The following ITIH5 variants were observed in gnomAD, a reference collection of about 807,000 sequenced individuals.
ITIH5 encodes inter-alpha-trypsin inhibitor heavy chain 5.
ITIH5 carries 65 observed loss-of-function variants against 77.5 expected under a neutral mutation model. That is an observed-to-expected ratio of 0.84 (90% CI 0.69 to 1.03). The LOEUF (loss-of-function observed/expected upper bound fraction) is 1.03, where lower values mean the gene tolerates loss of function less well. ITIH5 is among the 50% of genes least tolerant of loss of function. The pLI is 0.00. For missense variants in ITIH5, 1,208 were observed against 1,213.1 expected, an observed-to-expected ratio of 1.00 and a Z score of 0.06; for synonymous variants, 525 against 494.3, an observed-to-expected ratio of 1.06 and a Z score of -0.82.
intron 12 of ITIH5, among the ~76,000 whole-genome samples, chr10:7,567,785 A>T (rs1832218240): frequency 6.6e-6 from 1 of 152,178 alleles, no homozygotes; most frequent in Non-Finnish European, 1.5e-5. Flanking sequence ...GAGGCAGGAG[A>T]ATCACTTAAA....
At chr10:7,598,594 A>G (rs1832954978) in intron 7 of ITIH5, among the ~76,000 whole-genome samples, 1 of 152,220 alleles carries the variant, frequency 6.6e-6, no homozygotes, top group Non-Finnish European at 1.5e-5. Context: ...TTTACTGCTT[A>G]AAGTCTCCTT....
intron 5 of ITIH5, among the ~76,000 whole-genome samples, chr10:7,625,487 C>G (rs79966137): frequency 6.6e-6 from 1 of 151,990 alleles, no homozygotes. Flanking sequence ...TCAGATGGGC[C>G]GGGCATGTGG....
chr10:7,595,344 A>G (rs1474899619), intron 7 of ITIH5, among the ~76,000 whole-genome samples: 2 of 69,864 alleles, frequency 2.9e-5, no homozygotes, highest in African/African-American at 6.5e-5. Context: ...CGGAAAGAAT[A>G]TATTTCTTAC....
chr10:7,636,333 TA>T (rs1205613936), intron 5 of ITIH5, among the ~76,000 whole-genome samples: 3 of 152,190 alleles, frequency 2.0e-5, no homozygotes, highest in African/African-American at 7.2e-5. Context: ...ACATCTATAC[TA>T]AGCATTTTTC....
chr10:7,640,715 TA>T, intron 4 of ITIH5, 38 bp downstream of exon 4: 1 of 1,394,862 alleles, frequency 7.2e-7, no homozygotes, highest in African/African-American at 1.4e-5. Flanking sequence ...GGCACTTTGC[TA>T]AAATGGGTTT....
At chr10:7,590,924 G>A (rs1190666986) in intron 7 of ITIH5, among the ~76,000 whole-genome samples, 1 of 152,182 alleles carries the variant, frequency 6.6e-6, no homozygotes, top group Non-Finnish European at 1.5e-5. Flanking sequence ...TTGAGACAGA[G>A]TCTTGCTCTG....
chr10:7,583,801 G>A (rs1302948146), intron 8 of ITIH5, among the ~76,000 whole-genome samples: 4 of 152,078 alleles, frequency 2.6e-5, no homozygotes, highest in Admixed American at 6.5e-5. Flanking sequence ...TAGCTTTCCC[G>A]ATGGCACACA....
intron 2 of ITIH5, among the ~76,000 whole-genome samples, chr10:7,642,306 T>G (rs144068895): frequency 0.011 from 1,686 of 152,252 alleles, 12 homozygotes; most frequent in Non-Finnish European, 0.017. Context: ...AAACAATTAA[T>G]AACACACAAG....
chr10:7,659,280 G>A (rs1834238554), intron 1 of ITIH5, among the ~76,000 whole-genome samples: 1 of 152,076 alleles, frequency 6.6e-6, no homozygotes, highest in South Asian at 2.1e-4. Context: ...TTGGGAGGCT[G>A]AGGCAGGAGA....
At chr10:7,575,118 A>C (rs1832383407) in intron 10 of ITIH5, among the ~76,000 whole-genome samples, 1 of 152,200 alleles carries the variant, frequency 6.6e-6, no homozygotes. Flanking sequence ...TCAGGGTCCG[A>C]ACTTTTCAAT....
chr10:7,651,609 A>AAAT (rs113525747), intron 2 of ITIH5, among the ~76,000 whole-genome samples: 6,491 of 151,412 alleles, frequency 0.043, 260 homozygotes, highest in African/African-American at 0.11. Context: ...CTCTGTCTCA[A>AAAT]AATAATAATA....
At chr10:7,662,282 G>C (rs560409909) in intron 1 of ITIH5, among the ~76,000 whole-genome samples, 2 of 152,112 alleles carry the variant, frequency 1.3e-5, no homozygotes, top group Middle Eastern at 6.8e-3. Context: ...GCTTGAATCC[G>C]GGAGGCGGAG....
Position 7,616,103 on chromosome 10 carries a change from T to G in ITIH5, c.823-5A>C. On this transcript the variant is annotated splice_polypyrimidine_tract_variant and splice_region_variant and intron_variant, in intron 6 of 13. Coordinates refer to ENST00000397146, the MANE Select transcript of ITIH5 (RefSeq NM_030569.7). The stretch of plus-strand genomic sequence containing the variant: ...CACAAAATAGCCATTTAGAACCTGG[T>G]GGAGGGAAAAGAAAGTAAAAACGGT... 1 of 1,557,662 alleles carries G rather than the reference T, an allele frequency of 6.4e-7. No homozygotes were observed. Among genetic ancestry groups the G allele is most frequent in the South Asian group, 1.1e-5 (1 of 89,820 alleles).
At position 7,587,290 on chromosome 10, in the gene ITIH5, G is replaced by A. The variant is rs1346069328; in HGVS notation, c.940-1221C>T. On this transcript the variant is annotated intron_variant, in intron 7 of 13. Transcript: ENST00000397146. ...ATGACCTGAAACCAGAAATACTCTA[G>A]GGGCCTAGAAAAGGTTTCTATAGTA... Among the ~76,000 whole-genome samples, 5 of 152,222 alleles carry A rather than the reference G, an allele frequency of 3.3e-5. No individual in the cohort carries two copies. The East Asian group carries it at 9.6e-4, about 29-fold the overall frequency.
intron 5 of ITIH5, among the ~76,000 whole-genome samples, chr10:7,624,798 AAT>A (rs1394875042): frequency 1.6e-5 from 1 of 61,810 alleles, no homozygotes; most frequent in South Asian, 6.0e-4. Context: ...AAAAAAAAAA[AAT>A]ATATATATAT....
intron 8 of ITIH5, among the ~76,000 whole-genome samples, chr10:7,584,668 TC>T (rs1832637799): frequency 6.6e-6 from 1 of 152,186 alleles, no homozygotes; most frequent in African/African-American, 2.4e-5. Flanking sequence ...CACACATCAT[TC>T]TGCTAGTAAG....
In ITIH5 at chr10:7,579,824, A is replaced by T. The variant is rs760025969; in HGVS notation, c.1349T>A (p.Leu450Gln). ...NDVDFRLLEK[L>Q]SLENCGLTRR... ...TGTGAGGCCACAGTTCTCCAGCGAC[A>T]GTTTCTCCAGCAGCCTGAAGTCCAC... The change falls in exon 9 of 14, where the codon CTG becomes CAG. Residue 450 changes from leucine to glutamine, a missense_variant. Physicochemically the swap from Leu to Gln is moderately radical, Grantham distance 113. Coordinates refer to ENST00000397146, the MANE Select transcript of ITIH5 (RefSeq NM_030569.7). The T allele has an allele frequency of 1.1e-5, 17 of 1,613,740 alleles. No homozygotes were observed. Among genetic ancestry groups the T allele is most frequent in the Non-Finnish European group, 1.2e-5 (14 of 1,179,750 alleles).
At chr10:7,571,383 G>T (rs1408935172) in intron 11 of ITIH5, 1 of 152,040 alleles carries the variant, frequency 6.6e-6, no homozygotes, top group East Asian at 1.9e-4. Flanking sequence ...CCTTCGCACA[G>T]CCTTCCATAC....
At chr10:7,619,651 C>G (rs1022888429) in intron 5 of ITIH5, 31 of 323,016 alleles carry the variant, frequency 9.6e-5, no homozygotes, top group African/African-American at 6.4e-4. Flanking sequence ...GCGAACACGT[C>G]TACAAGGCGG....
Sources: allele counts gnomAD v4.1 joint callset (sites outside exome capture counted in the v4.1 genomes callset), GRCh38; gene constraint gnomAD v4.1.1; transcripts MANE v1.5; gene names NCBI Gene and HGNC (gene_info 2026-07-23, HGNC 2026-07-21).